The following GDAP1 variants were observed in gnomAD, a reference collection of about 807,000 sequenced individuals.
GDAP1 encodes ganglioside-induced differentiation-associated protein 1.
In GDAP1, 34 loss-of-function variants were observed where a neutral mutation model predicts 40.1. That is an observed-to-expected ratio of 0.85 (90% CI 0.64 to 1.13). GDAP1 has a LOEUF of 1.13. GDAP1 is among the 50% of genes most tolerant of loss of function. The pLI is 0.00. For missense variants in GDAP1, 374 were observed against 433.7 expected (o/e 0.86, Z 1.22); for synonymous variants, 170 against 157.4 (o/e 1.08, Z -0.60).
chr8:74,386,408 G>T (rs1810025786), intron 2 of GDAP1, among the ~76,000 whole-genome samples: 1 of 152,052 alleles, frequency 6.6e-6, no homozygotes, highest in South Asian at 2.1e-4. Context: ...TCTGCATATG[G>T]CTAGCCTGTT....
downstream of GDAP1, among the ~76,000 whole-genome samples, chr8:74,371,080 C>T (rs1223118665): frequency 6.6e-6 from 1 of 152,154 alleles, no homozygotes; most frequent in Non-Finnish European, 1.5e-5. Flanking sequence ...AAGATCTGAG[C>T]ACACTGTCAG....
intron 2 of GDAP1, among the ~76,000 whole-genome samples, chr8:74,424,804 G>T (rs1419553133): frequency 1.3e-5 from 2 of 152,144 alleles, no homozygotes; most frequent in South Asian, 2.1e-4. Flanking sequence ...CTAAGTATTA[G>T]AAATTATGTC....
In GDAP1 at chr8:74,453,885, G is replaced by C. The variant is rs1407751831; in HGVS notation, c.166-34793G>C. The stretch of plus-strand genomic sequence containing the variant: ...ACTGAGAAGTTATATCAAAAAGGTA[G>C]TAGTCATCCCTCTGTGAATAGTCTC... On this transcript the variant is annotated intron_variant, in intron 2 of 2. Coordinates refer to the GDAP1 transcript ENST00000523640. Among the ~76,000 whole-genome samples the C allele has an allele frequency of 6.3e-5, 5 of 79,252 alleles. 2 individuals carry two copies. Among genetic ancestry groups the C allele is most frequent in the African/African-American group, 2.9e-4 (5 of 17,538 alleles). The allele number at this position is 79,252 out of a possible 152,430, so 52.0% of individuals were successfully genotyped here.
chr8:74,397,416 C>T lies in GDAP1; in HGVS notation c.165+46095C>T, dbSNP rs917815278. Among the ~76,000 whole-genome samples the T allele has an allele frequency of 5.5e-3, 843 of 152,188 alleles. 9 individuals carry two copies. Among genetic ancestry groups the T allele is most frequent in the African/African-American group, 0.019 (782 of 41,498 alleles). On this transcript the variant is annotated intron_variant, in intron 2 of 2. Coordinates refer to the GDAP1 transcript ENST00000523640. ...TTGCCGTTGCTTTTGGTGTTTTAGTCGTGAAGTCCTTGCCCATGCCTATGT... is the reference window on the plus strand; with the variant it reads ...TTGCCGTTGCTTTTGGTGTTTTAGTTGTGAAGTCCTTGCCCATGCCTATGT...
intron 2 of GDAP1, among the ~76,000 whole-genome samples, chr8:74,477,112 A>T (rs9650158): frequency 0.4 from 60,533 of 151,556 alleles, 12,371 homozygotes; most frequent in East Asian, 0.47. Flanking sequence ...GAAGTTCTTG[A>T]AGTGTGTTTT....
At chr8:74,446,630 A>T (rs1806232418) in intron 2 of GDAP1, among the ~76,000 whole-genome samples, 1 of 152,214 alleles carries the variant, frequency 6.6e-6, no homozygotes, top group African/African-American at 2.4e-5. Flanking sequence ...TAGTTGAAAA[A>T]TGAAGATGAA....
chr8:74,479,977 A>G (rs1806687926), intron 2 of GDAP1, among the ~76,000 whole-genome samples: 1 of 148,380 alleles, frequency 6.7e-6, no homozygotes, highest in Admixed American at 6.8e-5. Context: ...GAGTGAAGAA[A>G]TGGACTCTCT....
chr8:74,486,276 T>C (rs188847354), intron 2 of GDAP1, among the ~76,000 whole-genome samples: 161 of 152,246 alleles, frequency 1.1e-3, no homozygotes, highest in African/African-American at 3.7e-3. Flanking sequence ...TAAATGAAAA[T>C]ACAGTGATGT....
Position 74,430,807 on chromosome 8 carries a change from ATTG to A in GDAP1, c.166-57862_166-57860del, listed in dbSNP as rs1186709924. Among the ~76,000 whole-genome samples, 8 of 152,044 alleles carry A rather than the reference ATTG, an allele frequency of 5.3e-5. No homozygotes were observed. In the South Asian group the frequency reaches 6.3e-4, roughly 12 times the overall value. Reference sequence around the variant, plus strand: ...CTCTTCCCAATGGCTTTAAGGCACAATTGTTGTTGTTTTTAAAAATATCTTAAA... The same window carrying A: ...CTCTTCCCAATGGCTTTAAGGCACAATTGTTGTTTTTAAAAATATCTTAAA... On this transcript the variant is annotated intron_variant, in intron 2 of 2. Coordinates refer to the GDAP1 transcript ENST00000523640.
Position 74,360,167 on chromosome 8 carries a change from A to G in GDAP1, c.341A>G (p.Glu114Gly). 1 of 1,613,672 alleles carries G rather than the reference A, an allele frequency of 6.2e-7. No homozygotes were observed. Among genetic ancestry groups the G allele is most frequent in the Non-Finnish European group, 8.5e-7 (1 of 1,179,540 alleles). Residue 114 changes from glutamate to glycine, a missense_variant, in exon 3 of 6, where the codon GAA (glutamate) becomes GGA (glycine). Physicochemically the swap from Glu to Gly is moderately conservative, Grantham distance 98. Coordinates refer to ENST00000220822, the MANE Select transcript of GDAP1 (RefSeq NM_018972.4). ...ACACCCAGGTTAATGCCTGATAAAG[A>G]AAGCATGTATTACCCACGGGTACAA... ...ERTPRLMPDK[E>G]SMYYPRVQHY... is the part of the protein sequence containing the mutation.
In GDAP1 at chr8:74,408,748, C is replaced by T. The variant is rs183602709; in HGVS notation, c.165+57427C>T. Among the ~76,000 whole-genome samples the T allele has an allele frequency of 5.6e-3, 833 of 150,010 alleles. 17 individuals carry two copies. Among genetic ancestry groups the T allele is most frequent in the Non-Finnish European group, 8.0e-3 (541 of 68,028 alleles). On this transcript the variant is annotated intron_variant, in intron 2 of 2. Coordinates refer to the GDAP1 transcript ENST00000523640. ...GGCACCATACTCTGAATTATCTGCC[C>T]GAGCCCCTGTATTGAATTCTCGACT...
chr8:74,374,770 A>G (rs748885424), intron 2 of GDAP1, among the ~76,000 whole-genome samples: 5 of 152,204 alleles, frequency 3.3e-5, no homozygotes, highest in Non-Finnish European at 5.9e-5. Context: ...CTTGAAAAAT[A>G]CAACTTCTCA....
intron 2 of GDAP1, among the ~76,000 whole-genome samples, chr8:74,471,882 T>C (rs1405836195): frequency 6.6e-6 from 1 of 152,206 alleles, no homozygotes; most frequent in East Asian, 1.9e-4. Flanking sequence ...TACACAGTTA[T>C]ATAGCTATAC....
chr8:74,418,396 CA>C (rs1355645374), intron 2 of GDAP1, among the ~76,000 whole-genome samples: 1 of 152,030 alleles, frequency 6.6e-6, no homozygotes, highest in Non-Finnish European at 1.5e-5. Context: ...GAAATATGGC[CA>C]ATTGATTTTT....
Position 74,356,716 on chromosome 8 carries a change from A to ATTTTTT in GDAP1, c.311-3409_311-3404dup, listed in dbSNP as rs377497809. 6.7e-3 allele frequency among the ~76,000 whole-genome samples: 694 copies of ATTTTTT among 104,282 alleles called. 31 individuals are homozygous for ATTTTTT. Among genetic ancestry groups the ATTTTTT allele is most frequent in the African/African-American group, 0.026 (629 of 24,184 alleles). The allele number at this position is 104,282 out of a possible 152,430, so 68.4% of individuals were successfully genotyped here. On this transcript the variant is annotated intron_variant, in intron 2 of 5. Transcript: ENST00000220822. ...TTTGTGTGTGTGTATATATATATAT[A>ATTTTTT]TTTTTTTTTTTTTTTTTGAGACGGA...
rs369741804 is a variant in GDAP1, at chr8:74,411,314, G to A, written c.165+59993G>A. 8.7e-5 allele frequency among the ~76,000 whole-genome samples: 13 copies of A among 149,468 alleles called. 1 individual carries two copies. The South Asian group carries it at 1.9e-3, about 21-fold the overall frequency. ...AGTGGTATCCTTAGAAATATCACTC[G>A]TTTTGTTTTGGAAGCAAAATAAGTC... On this transcript the variant is annotated intron_variant, in intron 2 of 2. Transcript: ENST00000523640.
downstream of GDAP1, among the ~76,000 whole-genome samples, chr8:74,370,051 G>A (rs546771989): frequency 6.6e-6 from 1 of 152,116 alleles, no homozygotes; most frequent in African/African-American, 2.4e-5. Context: ...GATCCAGCAG[G>A]CCCCTGCAAA....
intron 2 of GDAP1, among the ~76,000 whole-genome samples, chr8:74,408,499 C>T (rs915590715): frequency 2.0e-5 from 3 of 150,066 alleles, no homozygotes; most frequent in African/African-American, 7.6e-5. Context: ...CAGAGAGCTG[C>T]CTTTCCCTTT....
At chr8:74,353,167 AC>A (rs1210932944) in intron 2 of GDAP1, among the ~76,000 whole-genome samples, 1 of 152,218 alleles carries the variant, frequency 6.6e-6, no homozygotes, top group Non-Finnish European at 1.5e-5. Context: ...AAATAACCAA[AC>A]AAAGGAAATG....
Sources: gnomAD v4.1 joint callset for allele counts (sites outside exome capture counted in the v4.1 genomes callset) on GRCh38, gnomAD v4.1.1 for gene constraint, MANE v1.5 for transcripts, NCBI Gene and HGNC (gene_info 2026-07-23, HGNC 2026-07-21) for gene names.